The following CACNA1C variants were observed in gnomAD, a reference collection of about 807,000 sequenced individuals.
CACNA1C encodes voltage-dependent L-type calcium channel subunit alpha-1C.
A neutral mutation model predicts 229.0 loss-of-function variants in CACNA1C; 30 were observed. The observed-to-expected ratio is 0.13, with a 90% CI of 0.10 to 0.18. The LOEUF (loss-of-function observed/expected upper bound fraction) is 0.18, where lower values mean the gene tolerates loss of function less well. Among genes scored for constraint, CACNA1C ranks in the 10% least tolerant of loss-of-function variants. The pLI, the probability that CACNA1C is intolerant of heterozygous loss-of-function variation, is 1.00. For synonymous variants in CACNA1C, 1,114 were observed against 1,132.5 expected (o/e 0.98, Z 0.33); for missense variants, 1,658 against 2,845.0 (o/e 0.58, Z 9.49).
At chr12:1,985,281 G>T (rs2037375856) in intron 1 of CACNA1C, among the ~76,000 whole-genome samples, 2 of 152,026 alleles carry the variant, frequency 1.3e-5, no homozygotes, top group African/African-American at 4.8e-5. Context: ...GATTTCTGAA[G>T]GCCCTGTTCA....
chr12:2,548,237 C>T (rs2099885776), intron 9 of CACNA1C, among the ~76,000 whole-genome samples: 1 of 152,190 alleles, frequency 6.6e-6, no homozygotes, highest in Non-Finnish European at 1.5e-5. Context: ...CCCCTCCAGA[C>T]TTCAGACTAT....
At chr12:2,379,322 C>G (rs890715907) in intron 3 of CACNA1C, among the ~76,000 whole-genome samples, 1 of 152,192 alleles carries the variant, frequency 6.6e-6, no homozygotes, top group African/African-American at 2.4e-5. Context: ...TAATCATGAA[C>G]CCTTTATTTA....
At chr12:2,007,720 T>C (rs2043708940) in intron 1 of CACNA1C, among the ~76,000 whole-genome samples, 1 of 152,232 alleles carries the variant, frequency 6.6e-6, no homozygotes, top group South Asian at 2.1e-4. Context: ...CCTCCTTGTA[T>C]CTGAACTCTT....
At chr12:2,002,062 T>C (rs908558551) in intron 1 of CACNA1C, among the ~76,000 whole-genome samples, 4 of 152,188 alleles carry the variant, frequency 2.6e-5, no homozygotes, top group Non-Finnish European at 5.9e-5. Context: ...AAATTCCTAT[T>C]CCAGTCATCA....
At chr12:2,673,324 G>A (rs2096644151) in intron 38 of CACNA1C, among the ~76,000 whole-genome samples, 2 of 152,046 alleles carry the variant, frequency 1.3e-5, no homozygotes, top group Non-Finnish European at 2.9e-5. Flanking sequence ...AAATTAGCTG[G>A]GCATGGTGGC....
chr12:2,649,680 G>A lies in CACNA1C; in HGVS notation c.3945+1173G>A, dbSNP rs548436289. On this transcript the variant is annotated intron_variant, in intron 31 of 46. Transcript: ENST00000399655. This position sits in a 1 kb window ranked among gnomAD's most constrained non-coding sequence, Gnocchi z 4.4. ...CAAGCTTGGTGTTTGGCGTTTTTTG[G>A]GTTTTTTTGTTTGTTTATTTTGTTT... is the stretch of plus-strand genomic sequence containing the variant. Among the ~76,000 whole-genome samples, 157 of 140,090 alleles carry A rather than the reference G, an allele frequency of 1.1e-3. 1 individual carries two copies. The highest frequency in any genetic ancestry group is 4.2e-3 in the African/African-American group (148 of 34,972). The allele number at this position is 140,090 out of a possible 152,430, so 91.9% of individuals were successfully genotyped here.
In CACNA1C at chr12:2,079,785, CT is replaced by C. The variant is rs2064758679; in HGVS notation, c.49+26176del. On this transcript the variant is annotated intron_variant, in intron 1 of 46. Transcript: ENST00000399655. The stretch of plus-strand genomic sequence containing the variant: ...AAAATAATCACAAAAACTCTGAAGC[CT>C]TCTTCCACAGCTCAGGACCCTTCAG... Among the ~76,000 whole-genome samples the C allele has an allele frequency of 2.6e-5, 4 of 152,286 alleles. No individual in the cohort carries two copies. The South Asian group carries it at 8.3e-4, about 32-fold the overall frequency.
At chr12:2,103,543 G>A (rs1448106227) in intron 1 of CACNA1C, among the ~76,000 whole-genome samples, 5 of 152,140 alleles carry the variant, frequency 3.3e-5, no homozygotes, top group Non-Finnish European at 7.3e-5. Flanking sequence ...TCACTCAGAT[G>A]ATAATTTCTT....
At chr12:2,024,837 G>A (rs1565957938) in intron 1 of CACNA1C, among the ~76,000 whole-genome samples, 1 of 152,176 alleles carries the variant, frequency 6.6e-6, no homozygotes, top group African/African-American at 2.4e-5. Context: ...ACCAAAGCAG[G>A]CTGTGGCACC....
rs59324696 is a variant in CACNA1C at position 2,501,209 on chromosome 12, C to CAAAAAAAAA, written c.1114-3616_1114-3608dup. On this transcript the variant is annotated intron_variant, in intron 7 of 46. Transcript: ENST00000399655. Reference sequence around the variant, plus strand: ...TGGGCGACAGAGTGAGACTCCACCTCAAAAAAAAAAAAAAAAAAAAAAAAA... The same window carrying CAAAAAAAAA: ...TGGGCGACAGAGTGAGACTCCACCTCAAAAAAAAAAAAAAAAAAAAAAAAAAAAAAAAAA... Among the ~76,000 whole-genome samples, 89 of 31,358 alleles carry CAAAAAAAAA rather than the reference C, an allele frequency of 2.8e-3. 9 individuals are homozygous for CAAAAAAAAA. The highest frequency in any genetic ancestry group is 9.2e-3 in the African/African-American group (54 of 5,882). The allele number at this position is 31,358 out of a possible 152,430, so 20.6% of individuals were successfully genotyped here. A position where few individuals can be genotyped will look rare whatever the true frequency, so the allele number is the denominator to read the frequency against.
chr12:2,104,827 G>T (rs150027706), intron 1 of CACNA1C, among the ~76,000 whole-genome samples: 1 of 152,316 alleles, frequency 6.6e-6, no homozygotes, highest in Non-Finnish European at 1.5e-5. Context: ...AAGAGGTCTT[G>T]ACTTCCTTCC....
At chr12:2,356,321 G>GT (rs545213571) in intron 3 of CACNA1C, among the ~76,000 whole-genome samples, 4 of 152,218 alleles carry the variant, frequency 2.6e-5, no homozygotes, top group Non-Finnish European at 5.9e-5. Context: ...TGTCTCAAAA[G>GT]TGATGGGGCC....
chr12:2,653,090 A>G lies in CACNA1C; in HGVS notation c.4075-745A>G, dbSNP rs2095184779. On this transcript the variant is annotated intron_variant, in intron 32 of 46. Coordinates refer to ENST00000399655, the MANE Select transcript of CACNA1C (RefSeq NM_000719.7). This position sits in a 1 kb window ranked among gnomAD's most constrained non-coding sequence, Gnocchi z 4.7. ...CCTGGGGACCATGGCCTGTCCCCAG[A>G]AGTCACGGGGGCTCTGGAAAATTAG... Among the ~76,000 whole-genome samples the G allele has an allele frequency of 6.6e-6, 1 of 152,226 alleles. No individual in the cohort carries two copies. The highest frequency in any genetic ancestry group is 1.5e-5 in the Non-Finnish European group (1 of 68,030).
chr12:2,350,106 A>T (rs1282150637), intron 3 of CACNA1C, among the ~76,000 whole-genome samples: 2 of 152,166 alleles, frequency 1.3e-5, no homozygotes, highest in Non-Finnish European at 2.9e-5. Context: ...ATCTTCTAGT[A>T]ACCTCCTTTT....
At position 2,054,135 on chromosome 12, in the gene CACNA1C, C is replaced by T. The variant is rs1190325925; in HGVS notation, c.49+524C>T. On this transcript the variant is annotated intron_variant, in intron 1 of 46. Transcript: ENST00000399655. This position sits in a 1 kb window ranked among gnomAD's most constrained non-coding sequence, Gnocchi z 5.5. ...CCGGCGTCCACTCTCGTCCAGGCGC[C>T]CCTGCCCTGGGCGGCGCGCTCCAGG... Among the ~76,000 whole-genome samples, 1 of 151,346 alleles carries T rather than the reference C, an allele frequency of 6.6e-6. No homozygotes were observed. The highest frequency in any genetic ancestry group is 1.5e-5 in the Non-Finnish European group (1 of 67,788).
At chr12:2,180,366 C>G (rs2096798101) in intron 3 of CACNA1C, among the ~76,000 whole-genome samples, 1 of 152,204 alleles carries the variant, frequency 6.6e-6, no homozygotes, top group Non-Finnish European at 1.5e-5. Flanking sequence ...CTAGGAAGCC[C>G]AGCAGGGCCT....
intron 1 of CACNA1C, among the ~76,000 whole-genome samples, chr12:2,093,113 C>T (rs1200316135): frequency 3.9e-5 from 6 of 152,238 alleles, no homozygotes; most frequent in Non-Finnish European, 7.3e-5. Flanking sequence ...GTGTTGGCCA[C>T]TTTCGTTTCA....
Position 2,135,925 on chromosome 12 carries a change from T to G in CACNA1C, c.477+15495T>G, listed in dbSNP as rs544040601. On this transcript the variant is annotated intron_variant, in intron 3 of 46. Coordinates refer to ENST00000399655, the MANE Select transcript of CACNA1C (RefSeq NM_000719.7). ...CCCAGCCTCGCTGCCGCCTTGCAGT[T>G]TGATCTCAGACTGCTGTGCTAGCAA... is the stretch of plus-strand genomic sequence containing the variant. Among the ~76,000 whole-genome samples, 3 of 149,432 alleles carry G rather than the reference T, an allele frequency of 2.0e-5. No homozygotes were observed. In the South Asian group the frequency reaches 6.4e-4, roughly 32 times the overall value.
At chr12:2,473,225 G>A (rs1488124337) in intron 5 of CACNA1C, among the ~76,000 whole-genome samples, 1 of 152,010 alleles carries the variant, frequency 6.6e-6, no homozygotes, top group African/African-American at 2.4e-5. Context: ...GTTTCACCTT[G>A]TACCTGTACA....
Sources: gnomAD v4.1 joint callset for allele counts (sites outside exome capture counted in the v4.1 genomes callset) on GRCh38, gnomAD v4.1.1 for gene constraint, Gnocchi (gnomAD v3.1) non-coding constraint, MANE v1.5 for transcripts, NCBI Gene and HGNC (gene_info 2026-07-23, HGNC 2026-07-21) for gene names.